The following TRAPPC9 variants were observed in gnomAD, a reference collection of about 807,000 sequenced individuals.
The protein encoded by TRAPPC9 is IKK2 binding protein.
A neutral mutation model predicts 124.0 loss-of-function variants in TRAPPC9; 83 were observed. That is an observed-to-expected ratio of 0.67 (90% CI 0.56 to 0.80). TRAPPC9 has a LOEUF of 0.80. TRAPPC9 is among the 30% of genes least tolerant of loss of function. The pLI is 0.00. For missense variants in TRAPPC9, 1,302 were observed against 1,508.3 expected (o/e 0.86, Z 2.27); for synonymous variants, 638 against 617.5 (o/e 1.03, Z -0.49).
intron 17 of TRAPPC9, among the ~76,000 whole-genome samples, chr8:140,117,856 A>G (rs2060918886): frequency 6.6e-6 from 1 of 152,230 alleles, no homozygotes; most frequent in Non-Finnish European, 1.5e-5. Context: ...ATTCATCACT[A>G]CAGTTACAAG....
rs550650630 is a variant in TRAPPC9 at position 139,767,547 on chromosome 8, G to A, written c.3056-35345C>T. Among the ~76,000 whole-genome samples, 263 of 152,336 alleles carry A rather than the reference G, an allele frequency of 1.7e-3. 1 individual carries two copies. Among genetic ancestry groups the A allele is most frequent in the Non-Finnish European group, 3.4e-3 (230 of 68,040 alleles). On this transcript the variant is annotated intron_variant, in intron 21 of 22. Coordinates refer to ENST00000438773, the MANE Select transcript of TRAPPC9 (RefSeq NM_001160372.4). ...GGAACATGCTGGCAGGTGCATGTGGGGGTGGAAGGGGGAGGGAGAGAAGAT... is the reference window on the plus strand; with the variant it reads ...GGAACATGCTGGCAGGTGCATGTGGAGGTGGAAGGGGGAGGGAGAGAAGAT...
chr8:139,839,397 G>A (rs1032550460), intron 21 of TRAPPC9, among the ~76,000 whole-genome samples: 1 of 152,196 alleles, frequency 6.6e-6, no homozygotes, highest in Non-Finnish European at 1.5e-5. Flanking sequence ...GATGGCTTTC[G>A]ACAAGCCAAG....
chr8:139,911,601 A>C (rs940321485), intron 19 of TRAPPC9, among the ~76,000 whole-genome samples: 6 of 152,140 alleles, frequency 3.9e-5, no homozygotes, highest in Non-Finnish European at 4.4e-5. Flanking sequence ...GCTACTCAGG[A>C]GGCTGAGTCA....
chr8:139,979,582 G>A (rs1439796297), intron 19 of TRAPPC9, among the ~76,000 whole-genome samples: 2 of 152,120 alleles, frequency 1.3e-5, no homozygotes, highest in Non-Finnish European at 2.9e-5. Flanking sequence ...GAGGGGACAG[G>A]CACCCCTCTT....
intron 17 of TRAPPC9, among the ~76,000 whole-genome samples, chr8:140,137,380 G>C (rs1476148032): frequency 6.6e-6 from 1 of 152,192 alleles, no homozygotes; most frequent in Non-Finnish European, 1.5e-5. Flanking sequence ...TCTCATCATA[G>C]AGATGACTGT....
At chr8:139,917,060 G>A (rs1419454203) in intron 19 of TRAPPC9, among the ~76,000 whole-genome samples, 1 of 152,052 alleles carries the variant, frequency 6.6e-6, no homozygotes, top group Non-Finnish European at 1.5e-5. Context: ...CAAGGAAACG[G>A]CGTGAACACG....
At position 140,257,342 on chromosome 8, in the gene TRAPPC9, G is replaced by C. The variant is rs1014783479; in HGVS notation, c.2279-4413C>G. ...GTTGCTGCCTCTTCTCCACGCAGCAGTGCTGGCACTGGCCTGGGCCTCTTC... is the reference window on the plus strand; with the variant it reads ...GTTGCTGCCTCTTCTCCACGCAGCACTGCTGGCACTGGCCTGGGCCTCTTC... On this transcript the variant is annotated intron_variant, in intron 15 of 22. Transcript: ENST00000438773. This position sits in a 1 kb window ranked among gnomAD's most constrained non-coding sequence, Gnocchi z 4.6. 6.6e-6 allele frequency among the ~76,000 whole-genome samples: 1 copy of C among 152,232 alleles called. No homozygotes were observed. The highest frequency in any genetic ancestry group is 1.5e-5 in the Non-Finnish European group (1 of 68,042).
intron 19 of TRAPPC9, among the ~76,000 whole-genome samples, chr8:139,956,252 C>G (rs7841928): frequency 0.12 from 17,830 of 151,564 alleles, 1,418 homozygotes; most frequent in East Asian, 0.42. Flanking sequence ...ACCTCTGCCC[C>G]CCGGATTCAA....
chr8:140,384,732 AC>A (rs1314894152), intron 7 of TRAPPC9, among the ~76,000 whole-genome samples: 3 of 152,132 alleles, frequency 2.0e-5, no homozygotes, highest in African/African-American at 7.2e-5. Flanking sequence ...AGACTTTAAC[AC>A]CCCACTGTCA....
At position 139,885,818 on chromosome 8, in the gene TRAPPC9, G is replaced by A. The variant is rs140921038; in HGVS notation, c.3055+61C>T. ...AGCCACACCCCCCAAGACCTTGCTCGTGCATTTGGAGAAAAGGAGCACATC... is the reference window on the plus strand; with the variant it reads ...AGCCACACCCCCCAAGACCTTGCTCATGCATTTGGAGAAAAGGAGCACATC... On this transcript the variant is annotated intron_variant, in intron 21 of 22. Transcript: ENST00000438773. The A allele has an allele frequency of 7.6e-4, 1,136 of 1,492,336 alleles. 7 individuals carry two copies. The highest frequency in any genetic ancestry group is 5.5e-3 in the Middle Eastern group (28 of 5,114). The allele number at this position is 1,492,336 out of a possible 1,614,324, so 92.4% of individuals were successfully genotyped here.
intron 6 of TRAPPC9, among the ~76,000 whole-genome samples, chr8:140,398,891 G>A (rs2069170002): frequency 6.6e-6 from 1 of 152,224 alleles, no homozygotes; most frequent in Non-Finnish European, 1.5e-5. Context: ...CCCATCACAG[G>A]CCTGGAGGCC....
At chr8:140,334,447 C>T (rs538298392) in intron 9 of TRAPPC9, among the ~76,000 whole-genome samples, 71 of 152,118 alleles carry the variant, frequency 4.7e-4, no homozygotes, top group African/African-American at 1.4e-3. Flanking sequence ...GTCAGGAGTT[C>T]GACACTAGCC....
intron 17 of TRAPPC9, among the ~76,000 whole-genome samples, chr8:140,132,202 GCA>G (rs2061220457): frequency 6.6e-6 from 1 of 152,178 alleles, no homozygotes; most frequent in Non-Finnish European, 1.5e-5. Flanking sequence ...GTCCAGCACA[GCA>G]CAGTCCTCCG....
chr8:140,333,053 G>A (rs1025957957), intron 9 of TRAPPC9, among the ~76,000 whole-genome samples: 2 of 151,430 alleles, frequency 1.3e-5, no homozygotes, highest in Admixed American at 1.3e-4. Context: ...TTGAACCCGG[G>A]AGGCAGAGGT....
intron 20 of TRAPPC9, among the ~76,000 whole-genome samples, chr8:139,904,117 C>T (rs1831192672): frequency 6.6e-6 from 1 of 152,202 alleles, no homozygotes; most frequent in South Asian, 2.1e-4. Context: ...TGATTTTGAG[C>T]ATCTGGTGTG....
chr8:139,941,462 G>A (rs1833917042), intron 19 of TRAPPC9, among the ~76,000 whole-genome samples: 2 of 152,222 alleles, frequency 1.3e-5, no homozygotes, highest in Admixed American at 6.5e-5. Flanking sequence ...TAGAAGAGTA[G>A]GAGTGAAAAT....
chr8:139,772,471 C>T lies in TRAPPC9; in HGVS notation c.3056-40269G>A, dbSNP rs78416816. Among the ~76,000 whole-genome samples, 837 of 152,318 alleles carry T rather than the reference C, an allele frequency of 5.5e-3. 4 individuals are homozygous for T. Among genetic ancestry groups the T allele is most frequent in the Non-Finnish European group, 9.1e-3 (616 of 68,034 alleles). ...CCATCGCCATGGCCACCATCCCAGCCCACGCTCCTGGGATCCTGAGAAGTC... is the reference window on the plus strand; with the variant it reads ...CCATCGCCATGGCCACCATCCCAGCTCACGCTCCTGGGATCCTGAGAAGTC... On this transcript the variant is annotated intron_variant, in intron 21 of 22. Coordinates refer to ENST00000438773, the MANE Select transcript of TRAPPC9 (RefSeq NM_001160372.4).
chr8:140,435,553 C>T (rs1442753619), intron 3 of TRAPPC9, among the ~76,000 whole-genome samples: 3 of 152,360 alleles, frequency 2.0e-5, no homozygotes, highest in Admixed American at 6.5e-5. Flanking sequence ...CCAGCCTCTG[C>T]GTTCATCCAT....
chr8:139,994,876 A>G (rs1263715350), intron 18 of TRAPPC9, among the ~76,000 whole-genome samples: 1 of 152,074 alleles, frequency 6.6e-6, no homozygotes, highest in Non-Finnish European at 1.5e-5. Flanking sequence ...GTGTAGGAGT[A>G]AAAACAGAGG....
Sources: gnomAD v4.1 joint callset for allele counts (sites outside exome capture counted in the v4.1 genomes callset) on GRCh38, gnomAD v4.1.1 for gene constraint, Gnocchi (gnomAD v3.1) non-coding constraint, MANE v1.5 for transcripts, NCBI Gene and HGNC (gene_info 2026-07-23, HGNC 2026-07-21) for gene names.